The following HMBOX1 variants were observed in gnomAD, a reference collection of about 807,000 sequenced individuals.
The protein encoded by HMBOX1 is homeobox containing 1.
In HMBOX1, 14 loss-of-function variants were observed where a neutral mutation model predicts 54.5. That is an observed-to-expected ratio of 0.26 (90% confidence interval 0.17 to 0.40). HMBOX1 has a LOEUF of 0.40. Ranked by LOEUF, HMBOX1 falls within the 10% of genes least tolerant of loss-of-function variation. The pLI is 1.00. For synonymous variants in HMBOX1, 160 were observed against 181.0 expected (o/e 0.88, Z 0.93); for missense variants, 332 against 514.4 (o/e 0.65, Z 3.43).
At chr8:29,031,185 T>G (rs1047307158) in intron 6 of HMBOX1, among the ~76,000 whole-genome samples, 1 of 152,216 alleles carries the variant, frequency 6.6e-6, no homozygotes, top group East Asian at 1.9e-4. Flanking sequence ...GAGGATATCT[T>G]CTTCATATCT....
At chr8:29,027,324 C>G (rs921620156) in intron 6 of HMBOX1, among the ~76,000 whole-genome samples, 2 of 152,114 alleles carry the variant, frequency 1.3e-5, no homozygotes, top group African/African-American at 4.8e-5. Context: ...ATAGAAAGAA[C>G]AGATACATTT....
chr8:29,044,800 C>T (rs1805342875), intron 6 of HMBOX1, among the ~76,000 whole-genome samples: 1 of 152,164 alleles, frequency 6.6e-6, no homozygotes, highest in Non-Finnish European at 1.5e-5. Flanking sequence ...AGAACTCTAA[C>T]TTATTTTTTC....
intron 4 of HMBOX1, among the ~76,000 whole-genome samples, chr8:28,983,986 A>G (rs751350697): frequency 6.6e-6 from 1 of 152,188 alleles, no homozygotes; most frequent in Non-Finnish European, 1.5e-5. Context: ...AGCTAAACTC[A>G]GGGGCAAGGC....
intron 4 of HMBOX1, among the ~76,000 whole-genome samples, chr8:28,983,567 T>C (rs1174649378): frequency 6.6e-6 from 1 of 152,216 alleles, no homozygotes; most frequent in Non-Finnish European, 1.5e-5. Flanking sequence ...ATTTTAATTA[T>C]GCATTTTAGA....
chr8:29,010,426 G>C (rs954462524), intron 5 of HMBOX1, among the ~76,000 whole-genome samples: 4 of 152,000 alleles, frequency 2.6e-5, no homozygotes, highest in Admixed American at 6.6e-5. Context: ...GTGTGGTGGG[G>C]CATGCCTGTA....
intron 1 of HMBOX1, among the ~76,000 whole-genome samples, chr8:28,952,037 A>G (rs1323087158): frequency 6.6e-6 from 1 of 151,942 alleles, no homozygotes; most frequent in Admixed American, 6.6e-5. Context: ...TCAGCTGGGC[A>G]TTATGGCATG....
intron 1 of HMBOX1, among the ~76,000 whole-genome samples, chr8:28,914,008 C>T (rs1043936456): frequency 6.6e-6 from 1 of 151,952 alleles, no homozygotes; most frequent in African/African-American, 2.4e-5. Context: ...GTAGATGGGA[C>T]TACAGGCATG....
At chr8:28,917,183 A>G (rs562924798) in intron 1 of HMBOX1, among the ~76,000 whole-genome samples, 1 of 152,238 alleles carries the variant, frequency 6.6e-6, no homozygotes, top group East Asian at 1.9e-4. Context: ...CATCTTAGCA[A>G]TATTAAGTCT....
chr8:28,939,973 A>G lies in HMBOX1; in HGVS notation c.-57-23838A>G, dbSNP rs138505098. Among the ~76,000 whole-genome samples, 499 of 152,166 alleles carry G rather than the reference A, an allele frequency of 3.3e-3. 7 individuals carry two copies. The highest frequency in any genetic ancestry group is 0.011 in the African/African-American group (463 of 41,524). ...ATGTTCCCTTTGCTTCTTTGTCTAT[A>G]TAATGTCTGCCCTTCAGATCTGAGC... On this transcript the variant is annotated intron_variant, in intron 1 of 9. Transcript: ENST00000287701.
At chr8:28,991,107 C>CAAAGTG (rs1563538139) in intron 4 of HMBOX1, among the ~76,000 whole-genome samples, 4 of 152,136 alleles carry the variant, frequency 2.6e-5, no homozygotes, top group Non-Finnish European at 5.9e-5. Flanking sequence ...TGCAAATGTG[C>CAAAGTG]CTTTTTTTTA....
chr8:28,894,093 A>C (rs1411479192), intron 1 of HMBOX1, among the ~76,000 whole-genome samples: 1 of 152,142 alleles, frequency 6.6e-6, no homozygotes, highest in Admixed American at 6.5e-5. Flanking sequence ...AACCAGCTTT[A>C]TTTAGTTCTT....
intron 1 of HMBOX1, among the ~76,000 whole-genome samples, chr8:28,945,899 T>A (rs1225108737): frequency 6.6e-6 from 1 of 151,760 alleles, no homozygotes; most frequent in Non-Finnish European, 1.5e-5. Context: ...AGAATTTTAC[T>A]ATATTCACAG....
chr8:28,957,286 T>C (rs532302110), intron 1 of HMBOX1, among the ~76,000 whole-genome samples: 8 of 152,208 alleles, frequency 5.3e-5, no homozygotes, highest in African/African-American at 1.9e-4. Flanking sequence ...GACTCCATTA[T>C]CCTATGTGAA....
At position 29,052,359 on chromosome 8, in the gene HMBOX1, GA is replaced by G. The variant is rs1364527486; in HGVS notation, c.*1208del. 6.6e-6 allele frequency: 1 copy of G among 152,170 alleles called. No individual in the cohort carries two copies. Among genetic ancestry groups the G allele is most frequent in the Non-Finnish European group, 1.5e-5 (1 of 68,038 alleles). 9.4% of individuals were successfully genotyped at this position (152,170 alleles called of 1,614,324 possible). Reference sequence around the variant, plus strand: ...CTTTACTCTGTCCTTGGAGAGGTGTGAAAAGCTGTATTGCTACAGGCAATTT... The same window carrying G: ...CTTTACTCTGTCCTTGGAGAGGTGTGAAAGCTGTATTGCTACAGGCAATTT... On this transcript the variant is annotated 3_prime_UTR_variant, in exon 10 of 10. Transcript: ENST00000287701.
chr8:28,924,641 GT>G (rs1818124207), intron 1 of HMBOX1: 1 of 151,804 alleles, frequency 6.6e-6, no homozygotes, highest in Non-Finnish European at 1.5e-5. Context: ...TTGAGACAGA[GT>G]TTCGCTCTTG....
chr8:28,993,904 C>A (rs577053677), intron 4 of HMBOX1, among the ~76,000 whole-genome samples: 1 of 152,136 alleles, frequency 6.6e-6, no homozygotes, highest in African/African-American at 2.4e-5. Context: ...CATGGTGGCT[C>A]ACACCTGAAA....
chr8:28,988,216 A>G (rs955736701), intron 4 of HMBOX1, among the ~76,000 whole-genome samples: 5 of 152,206 alleles, frequency 3.3e-5, no homozygotes, highest in African/African-American at 9.6e-5. Flanking sequence ...TTCATTTAGC[A>G]TGATGCTTTT....
In HMBOX1 at chr8:29,041,465, G is replaced by A. The variant is rs555415793; in HGVS notation, c.852-3896G>A. Reference sequence around the variant, plus strand: ...GTCAACACTATCATTAGTGGGGAGCGCGTGTGAGGATGATTCAGACTTGTA... The same window carrying A: ...GTCAACACTATCATTAGTGGGGAGCACGTGTGAGGATGATTCAGACTTGTA... On this transcript the variant is annotated intron_variant, in intron 6 of 9. Transcript: ENST00000287701. Among the ~76,000 whole-genome samples, 28 of 152,262 alleles carry A rather than the reference G, an allele frequency of 1.8e-4. 1 individual carries two copies. The highest frequency in any genetic ancestry group is 6.2e-4 in the South Asian group (3 of 4,816).
intron 4 of HMBOX1, among the ~76,000 whole-genome samples, chr8:28,992,553 A>G (rs2132617735): frequency 6.6e-6 from 1 of 152,244 alleles, no homozygotes; most frequent in African/African-American, 2.4e-5. Context: ...ATGTGGTTCA[A>G]ACTTCAGAAG....
Sources: allele counts gnomAD v4.1 joint callset (sites outside exome capture counted in the v4.1 genomes callset), GRCh38; gene constraint gnomAD v4.1.1; transcripts MANE v1.5; gene names NCBI Gene and HGNC (gene_info 2026-07-23, HGNC 2026-07-21).